The following PSD3 variants were observed in gnomAD, a reference collection of about 807,000 sequenced individuals.
PSD3 encodes PH and SEC7 domain-containing protein 3.
Under a neutral mutation model 105.5 loss-of-function variants are expected in PSD3, and 49 were observed. That is an observed-to-expected ratio of 0.46 (90% CI 0.37 to 0.59). PSD3 has a LOEUF of 0.59. Among genes scored for constraint, PSD3 ranks in the 20% least tolerant of loss-of-function variants. PSD3 has a pLI of 0.00. For missense variants in PSD3, 1,561 were observed against 1,263.8 expected, an observed-to-expected ratio of 1.24 and a Z score of -3.57; for synonymous variants, 557 against 457.8, an observed-to-expected ratio of 1.22 and a Z score of -2.77.
At chr8:18,734,820 T>C (rs1173208702) in intron 9 of PSD3, among the ~76,000 whole-genome samples, 1 of 152,154 alleles carries the variant, frequency 6.6e-6, no homozygotes, top group Non-Finnish European at 1.5e-5. Flanking sequence ...TCTGATGTTT[T>C]GTAAGGTGTT....
intron 9 of PSD3, among the ~76,000 whole-genome samples, chr8:18,750,426 T>C (rs556724112): frequency 3.0e-4 from 45 of 152,196 alleles, no homozygotes; most frequent in Non-Finnish European, 6.3e-4. Context: ...TTCCTCCCGG[T>C]GGGCTCGTGG....
chr8:18,840,442 A>G (rs1476240484), intron 4 of PSD3, among the ~76,000 whole-genome samples: 1 of 152,228 alleles, frequency 6.6e-6, no homozygotes, highest in East Asian at 1.9e-4. Flanking sequence ...GGGATCTATC[A>G]TGAGCTTTCA....
intron 1 of PSD3, among the ~76,000 whole-genome samples, chr8:19,065,485 C>T (rs1329571656): frequency 2.0e-5 from 3 of 152,190 alleles, no homozygotes; most frequent in Admixed American, 1.3e-4. Context: ...ATGTCTGGGC[C>T]TCCAGAATTT....
At chr8:18,846,108 A>G (rs1429278911) in intron 4 of PSD3, among the ~76,000 whole-genome samples, 1 of 152,216 alleles carries the variant, frequency 6.6e-6, no homozygotes, top group Non-Finnish European at 1.5e-5. Flanking sequence ...AGAAAGAGAG[A>G]TAGAAGAAAG....
chr8:18,844,318 T>C (rs1297590706), intron 4 of PSD3, among the ~76,000 whole-genome samples: 1 of 152,190 alleles, frequency 6.6e-6, no homozygotes, highest in Non-Finnish European at 1.5e-5. Context: ...AATTGATCTT[T>C]TCCCTGTTGT....
At chr8:18,892,010 G>A (rs1206384289) in intron 2 of PSD3, among the ~76,000 whole-genome samples, 1 of 152,162 alleles carries the variant, frequency 6.6e-6, no homozygotes, top group Non-Finnish European at 1.5e-5. Flanking sequence ...GCAACCCTCA[G>A]ACCAAAGTTT....
At chr8:18,655,356 CAATT>C (rs901936225) in intron 10 of PSD3, among the ~76,000 whole-genome samples, 5 of 149,954 alleles carry the variant, frequency 3.3e-5, no homozygotes, top group Admixed American at 2.0e-4. Flanking sequence ...AATTAAAAGA[CAATT>C]AATTACCTAC....
chr8:18,928,985 GTTTTTAAGATGATGAAAAT>G (rs1174440660), intron 2 of PSD3, among the ~76,000 whole-genome samples: 4 of 152,042 alleles, frequency 2.6e-5, no homozygotes, highest in Non-Finnish European at 4.4e-5. Context: ...CAAGTCTTTT[GTTTTTAAGATGATGAAAAT>G]GTTCTAAAGT....
chr8:18,614,249 T>A (rs529111295), intron 11 of PSD3, among the ~76,000 whole-genome samples: 1 of 152,196 alleles, frequency 6.6e-6, no homozygotes. Flanking sequence ...AAAGTTTTTA[T>A]TAAGCTTCTC....
chr8:18,588,895 G>GTT (rs67176832), intron 12 of PSD3, among the ~76,000 whole-genome samples: 3 of 151,938 alleles, frequency 2.0e-5, no homozygotes, highest in East Asian at 3.9e-4. Context: ...TGTGAGAATA[G>GTT]TGTTCTCTTC....
At chr8:18,958,408 CCT>C (rs1320072760) in intron 1 of PSD3, among the ~76,000 whole-genome samples, 1 of 152,068 alleles carries the variant, frequency 6.6e-6, no homozygotes, top group East Asian at 1.9e-4. Context: ...TTACTATTTC[CCT>C]TTTTTGTTTA....
At chr8:18,885,259 T>A (rs1818382181) in intron 2 of PSD3, among the ~76,000 whole-genome samples, 1 of 152,158 alleles carries the variant, frequency 6.6e-6, no homozygotes, top group Non-Finnish European at 1.5e-5. Context: ...AATTGTAAAA[T>A]TTCTCTCTTT....
chr8:19,008,184 G>A (rs1043767476), intron 1 of PSD3, among the ~76,000 whole-genome samples: 1 of 152,204 alleles, frequency 6.6e-6, no homozygotes, highest in Non-Finnish European at 1.5e-5. Flanking sequence ...TCAGCGGGTG[G>A]GGAAGGTGGC....
chr8:18,857,545 T>C (rs1816116840), intron 4 of PSD3, among the ~76,000 whole-genome samples: 1 of 152,204 alleles, frequency 6.6e-6, no homozygotes, highest in Admixed American at 6.5e-5. Flanking sequence ...AGGCTGGAGA[T>C]GAGAAGCTTA....
intron 8 of PSD3, among the ~76,000 whole-genome samples, chr8:18,771,127 T>C (rs1807483785): frequency 6.6e-6 from 1 of 152,160 alleles, no homozygotes. Context: ...CTCCTCTCTC[T>C]GCTGGCTGAG....
chr8:18,683,418 T>C (rs914166487), intron 9 of PSD3, among the ~76,000 whole-genome samples: 4 of 152,242 alleles, frequency 2.6e-5, no homozygotes, highest in Non-Finnish European at 4.4e-5. Context: ...GTATTCCTGA[T>C]GTTCTAAAAA....
rs1346850778 is a variant in PSD3, at chr8:18,527,416, T to C, written c.*8327A>G. The C allele has an allele frequency of 6.6e-6, 1 of 152,648 alleles. No individual in the cohort carries two copies. Among genetic ancestry groups the C allele is most frequent in the Non-Finnish European group, 1.5e-5 (1 of 68,040 alleles). 9.5% of individuals were successfully genotyped at this position (152,648 alleles called of 1,614,324 possible). A position where few individuals can be genotyped will look rare whatever the true frequency, so the allele number is the denominator to read the frequency against. On this transcript the variant is annotated 3_prime_UTR_variant, in exon 16 of 16. Transcript: ENST00000327040. ...TGATTTCTATTACATAAAAACCATT[T>C]AAATGCAATAAATTTTGTTGCCGTA...
chr8:18,544,362 C>T (rs1800334961), intron 15 of PSD3, among the ~76,000 whole-genome samples: 2 of 151,838 alleles, frequency 1.3e-5, no homozygotes, highest in East Asian at 1.9e-4. Flanking sequence ...CATCTGCATT[C>T]AAAACAGAGT....
chr8:18,801,334 C>G lies in PSD3; in HGVS notation c.1959G>C (p.Glu653Asp). ...FSLVGETQER[E>D]RVLIHFSNRY... is the part of the protein sequence containing the mutation. ...TATTGGAGAAGTGTATTAAAACTCT[C>G]TCTCGTTCTTGAGTTTCTCCCACAA... The change falls in exon 7 of 16, where the codon GAG (glutamate) becomes GAC (aspartate). Residue 653 changes from glutamate (E) to aspartate (D), a missense_variant. By Grantham distance (45) the Glu-to-Asp change is conservative (BLOSUM62 2). Transcript: ENST00000327040. 1.9e-6 allele frequency: 3 copies of G among 1,609,226 alleles called. No individual in the cohort carries two copies. The highest frequency in any genetic ancestry group is 2.5e-6 in the Non-Finnish European group (3 of 1,176,682).
Sources: gnomAD v4.1 joint callset for allele counts (sites outside exome capture counted in the v4.1 genomes callset) on GRCh38, gnomAD v4.1.1 for gene constraint, MANE v1.5 for transcripts, NCBI Gene and HGNC (gene_info 2026-07-23, HGNC 2026-07-21) for gene names.